KBTBD2: variants seen among roughly 807,000 people sequenced by gnomAD.
The protein encoded by KBTBD2 is kelch repeat and BTB domain containing 2.
In KBTBD2, 17 loss-of-function variants were observed where a neutral mutation model predicts 57.1. That is an observed-to-expected ratio of 0.30 (90% confidence interval 0.20 to 0.45). The LOEUF (loss-of-function observed/expected upper bound fraction) is 0.45. Among genes scored for constraint, KBTBD2 ranks in the 20% least tolerant of loss-of-function variants. KBTBD2 has a pLI of 1.00. For missense variants in KBTBD2, 515 were observed against 750.6 expected (o/e 0.69, Z 3.67); for synonymous variants, 267 against 262.7 (o/e 1.02, Z -0.16).
At chr7:32,886,003 G>T (rs1784572574) in intron 1 of KBTBD2, among the ~76,000 whole-genome samples, 1 of 151,110 alleles carries the variant, frequency 6.6e-6, no homozygotes, top group Admixed American at 6.6e-5. Context: ...CCACCACCCG[G>T]GTTCAAGCAA....
intron 2 of KBTBD2, among the ~76,000 whole-genome samples, chr7:32,878,866 A>G (rs1195989242): frequency 6.6e-6 from 1 of 152,238 alleles, no homozygotes; most frequent in Non-Finnish European, 1.5e-5. Flanking sequence ...ATTAGCAAAG[A>G]GTAACTAAAT....
At position 32,891,703 on chromosome 7, in the gene KBTBD2, G is replaced by A. The variant is rs560680108; in HGVS notation, c.-506C>T. 1.9e-3 allele frequency: 295 copies of A among 151,492 alleles called. 3 individuals are homozygous for A. The highest frequency in any genetic ancestry group is 6.7e-3 in the African/African-American group (278 of 41,318). 9.4% of individuals were successfully genotyped at this position (151,492 alleles called of 1,614,324 possible). A position where few individuals can be genotyped will look rare whatever the true frequency, so the allele number is the denominator to read the frequency against. On this transcript the variant is annotated 5_prime_UTR_variant, in exon 1 of 4. Transcript: ENST00000304056. ...GCTGGCGCCGCCGCCTCTTCCTTCC[G>A]GTTTCCCCTCGCACCCTCCCTCGCT...
At chr7:32,882,574 T>A (rs1185163867) in intron 1 of KBTBD2, among the ~76,000 whole-genome samples, 5 of 152,214 alleles carry the variant, frequency 3.3e-5, no homozygotes, top group African/African-American at 1.2e-4. Context: ...TCTTCTTTTG[T>A]AATCCAGGAT....
At chr7:32,885,151 C>G (rs1220500049) in intron 1 of KBTBD2, among the ~76,000 whole-genome samples, 1 of 151,308 alleles carries the variant, frequency 6.6e-6, no homozygotes, top group African/African-American at 2.4e-5. Flanking sequence ...ACTGGGATTA[C>G]AGGTGTGAAC....
At chr7:32,878,537 G>A (rs904627701) in intron 2 of KBTBD2, among the ~76,000 whole-genome samples, 2 of 148,996 alleles carry the variant, frequency 1.3e-5, no homozygotes, top group African/African-American at 2.5e-5. Context: ...CCGAGATCGC[G>A]CCACTGCACT....
At chr7:32,877,565 G>T (rs1478896320) in intron 2 of KBTBD2, among the ~76,000 whole-genome samples, 1 of 152,122 alleles carries the variant, frequency 6.6e-6, no homozygotes, top group Non-Finnish European at 1.5e-5. Flanking sequence ...TAGATGTATA[G>T]GAGCATTAGA....
At chr7:32,873,406 T>C (rs1583774761) in intron 3 of KBTBD2, among the ~76,000 whole-genome samples, 2 of 129,694 alleles carry the variant, frequency 1.5e-5, no homozygotes, top group Admixed American at 7.5e-5. Context: ...AAAAAAAAAT[T>C]GAAACACTTA....
intron 3 of KBTBD2, among the ~76,000 whole-genome samples, chr7:32,873,384 C>CAAA (rs544661966): frequency 0.058 from 6,254 of 107,428 alleles, 227 homozygotes; most frequent in South Asian, 0.1. Context: ...AAGCTCTAAG[C>CAAA]AAAAAAAAAA....
intron 1 of KBTBD2, among the ~76,000 whole-genome samples, chr7:32,886,569 G>C (rs1343156457): frequency 6.6e-6 from 1 of 152,170 alleles, no homozygotes; most frequent in African/African-American, 2.4e-5. Context: ...TCAGAGACCT[G>C]AGTGTCCTTG....
intron 1 of KBTBD2, among the ~76,000 whole-genome samples, chr7:32,888,230 C>A (rs1456060202): frequency 6.6e-6 from 1 of 150,528 alleles, no homozygotes; most frequent in Non-Finnish European, 1.5e-5. Context: ...TTTTCCTTTT[C>A]TCACATATTT....
intron 2 of KBTBD2, among the ~76,000 whole-genome samples, chr7:32,876,561 T>A (rs541972243): frequency 6.6e-6 from 1 of 152,144 alleles, no homozygotes; most frequent in Non-Finnish European, 1.5e-5. Context: ...TGACAGACTA[T>A]AAGAGCTAAA....
chr7:32,885,323 A>T (rs1009175425), intron 1 of KBTBD2, among the ~76,000 whole-genome samples: 3 of 152,020 alleles, frequency 2.0e-5, no homozygotes, highest in African/African-American at 7.3e-5. Flanking sequence ...TATAATTCTT[A>T]ATCTAATTTA....
intron 1 of KBTBD2, among the ~76,000 whole-genome samples, chr7:32,890,654 G>A (rs771407160): frequency 2.6e-5 from 4 of 152,166 alleles, no homozygotes; most frequent in Non-Finnish European, 5.9e-5. Context: ...GACCAGTCCT[G>A]TTGCCTACGT....
rs534967763 is a variant in KBTBD2 at position 32,882,141 on chromosome 7, G to C, written c.-338-2199C>G. Among the ~76,000 whole-genome samples the C allele has an allele frequency of 7.2e-5, 11 of 151,726 alleles. No individual in the cohort carries two copies. In the South Asian group the frequency reaches 2.3e-3, roughly 32 times the overall value. ...AAAATTGCAAGTATTAATAATACTT[G>C]GCACTGGAAATGCTTAATACCAATC... On this transcript the variant is annotated intron_variant, in intron 1 of 3. Transcript: ENST00000304056.
chr7:32,889,416 C>T lies in KBTBD2; in HGVS notation c.-339+2120G>A, dbSNP rs145949284. Among the ~76,000 whole-genome samples, 128 of 152,180 alleles carry T rather than the reference C, an allele frequency of 8.4e-4. 1 individual carries two copies. Among genetic ancestry groups the T allele is most frequent in the African/African-American group, 2.9e-3 (122 of 41,502 alleles). On this transcript the variant is annotated intron_variant, in intron 1 of 3. Coordinates refer to ENST00000304056, the MANE Select transcript of KBTBD2 (RefSeq NM_015483.3). ...AGGAGCTCGAGACCAGCCTGACCAACATGGTGAACCCTCATCTCTACTAAA... is the reference window on the plus strand; with the variant it reads ...AGGAGCTCGAGACCAGCCTGACCAATATGGTGAACCCTCATCTCTACTAAA...
At position 32,870,876 on chromosome 7, in the gene KBTBD2, T is replaced by C; in HGVS notation, c.341A>G (p.Glu114Gly). ...TTCTCGACAACGTTGTAACACATCT[T>C]CTACCTAGAATGAGAAGGAAAAAAA... is the stretch of plus-strand genomic sequence containing the variant. ...LYETACFLQV[E>G]DVLQRCREYL... The change falls in exon 4 of 4, where the codon GAA (glutamate) becomes GGA (glycine). Residue 114 changes from glutamate (E) to glycine (G), a missense_variant. By Grantham distance (98) the Glu-to-Gly change is moderately conservative (BLOSUM62 -2). Coordinates refer to ENST00000304056, the MANE Select transcript of KBTBD2 (RefSeq NM_015483.3). The C allele has an allele frequency of 6.5e-7, 1 of 1,540,196 alleles. No homozygotes were observed. The highest frequency in any genetic ancestry group is 8.7e-7 in the Non-Finnish European group (1 of 1,149,968).
At chr7:32,890,350 C>T (rs978726660) in intron 1 of KBTBD2, among the ~76,000 whole-genome samples, 2 of 152,120 alleles carry the variant, frequency 1.3e-5, no homozygotes, top group Admixed American at 1.3e-4. Flanking sequence ...GATTAGAAAA[C>T]AACCGACTGG....
At chr7:32,888,454 T>C (rs933786080) in intron 1 of KBTBD2, among the ~76,000 whole-genome samples, 1 of 151,980 alleles carries the variant, frequency 6.6e-6, no homozygotes, top group East Asian at 1.9e-4. Flanking sequence ...ACCACGACAG[T>C]TGAGAATGTC....
intron 1 of KBTBD2, among the ~76,000 whole-genome samples, chr7:32,882,886 G>A (rs943437384): frequency 6.6e-6 from 1 of 152,138 alleles, no homozygotes; most frequent in Non-Finnish European, 1.5e-5. Context: ...CCAGGAAGCT[G>A]AGGCCAGGGA....
Sources: allele counts gnomAD v4.1 joint callset (sites outside exome capture counted in the v4.1 genomes callset), GRCh38; gene constraint gnomAD v4.1.1; transcripts MANE v1.5; gene names NCBI Gene and HGNC (gene_info 2026-07-23, HGNC 2026-07-21).